The following INPP4B variants were observed in gnomAD, a reference collection of about 807,000 sequenced individuals.
INPP4B encodes the protein inositol polyphosphate 4-phosphatase type II.
Under a neutral mutation model 122.5 loss-of-function variants are expected in INPP4B, and 55 were observed. The observed-to-expected ratio is 0.45, with a 90% CI of 0.36 to 0.56. The LOEUF (loss-of-function observed/expected upper bound fraction) is 0.56. Among genes scored for constraint, INPP4B ranks in the 20% least tolerant of loss-of-function variants. The probability of loss-of-function intolerance (pLI) is 0.00; values close to 1 mark genes in which losing one functional copy is unlikely to be tolerated. For missense variants in INPP4B, 1,000 were observed against 1,097.7 expected (o/e 0.91, Z 1.26); for synonymous variants, 403 against 388.7 (o/e 1.04, Z -0.43).
In INPP4B at chr4:142,287,967, C is replaced by T. The variant is rs571982458; in HGVS notation, c.504-17193G>A. ...GCCAGTGGCTGCCTTCTAGCTGTGG[C>T]CTCACATGGGAGGGAGAGAGTAAGC... On this transcript the variant is annotated intron_variant, in intron 9 of 25. Coordinates refer to ENST00000262992, the MANE Select transcript of INPP4B (RefSeq NM_001101669.3). Among the ~76,000 whole-genome samples, 3 of 152,266 alleles carry T rather than the reference C, an allele frequency of 2.0e-5. No homozygotes were observed. In the South Asian group the frequency reaches 6.2e-4, roughly 32 times the overall value.
At chr4:142,668,796 C>T (rs933483917) in intron 2 of INPP4B, among the ~76,000 whole-genome samples, 4 of 152,030 alleles carry the variant, frequency 2.6e-5, no homozygotes, top group African/African-American at 9.7e-5. Context: ...TGCCTGTAAT[C>T]CCAGCACTTT....
chr4:142,411,500 T>G (rs1421690882), intron 5 of INPP4B, among the ~76,000 whole-genome samples: 2 of 152,174 alleles, frequency 1.3e-5, no homozygotes, highest in African/African-American at 2.4e-5. Context: ...CTACAGACAC[T>G]GCATAGGAGA....
intron 25 of INPP4B, among the ~76,000 whole-genome samples, chr4:142,034,219 A>G (rs1742337214): frequency 6.6e-6 from 1 of 152,144 alleles, no homozygotes; most frequent in Admixed American, 6.5e-5. Flanking sequence ...TTTACAACCA[A>G]GTGATGTTAC....
chr4:142,761,510 TGA>T (rs1429858111), intron 1 of INPP4B, among the ~76,000 whole-genome samples: 2 of 152,180 alleles, frequency 1.3e-5, no homozygotes, highest in African/African-American at 4.8e-5. Flanking sequence ...GCCAAATAAC[TGA>T]GTCATATTTT....
At chr4:142,549,446 C>T (rs1242875528) in intron 2 of INPP4B, among the ~76,000 whole-genome samples, 1 of 152,040 alleles carries the variant, frequency 6.6e-6, no homozygotes, top group Non-Finnish European at 1.5e-5. Context: ...AGGAGTCTAA[C>T]CAAATGCTGG....
At position 142,188,518 on chromosome 4, in the gene INPP4B, A is replaced by AAAAAAT. The variant is rs1834267141; in HGVS notation, c.1181+4568_1181+4569insATTTTT. ...AAAAAAAAAAAAAAAAAAGAAAAAA[A>AAAAAAT]ATATATATAGCTTGACTTATGAGTT... is the stretch of plus-strand genomic sequence containing the variant. On this transcript the variant is annotated intron_variant, in intron 15 of 25. Coordinates refer to ENST00000262992, the MANE Select transcript of INPP4B (RefSeq NM_001101669.3). 1.1e-3 allele frequency among the ~76,000 whole-genome samples: 115 copies of AAAAAAT among 105,126 alleles called. 24 individuals carry two copies. Among genetic ancestry groups the AAAAAAT allele is most frequent in the East Asian group, 1.8e-3 (6 of 3,380 alleles). 69.0% of individuals were successfully genotyped at this position (105,126 alleles called of 152,430 possible).
At chr4:142,551,457 T>A (rs1251924310) in intron 2 of INPP4B, among the ~76,000 whole-genome samples, 2 of 152,162 alleles carry the variant, frequency 1.3e-5, no homozygotes, top group Non-Finnish European at 2.9e-5. Flanking sequence ...GGAACCTGGG[T>A]CTCAAGGTGT....
At chr4:142,205,607 A>G (rs954406575) in intron 14 of INPP4B, among the ~76,000 whole-genome samples, 3 of 152,224 alleles carry the variant, frequency 2.0e-5, no homozygotes, top group African/African-American at 7.2e-5. Flanking sequence ...TTATCATTCT[A>G]TGTGTTTTAC....
chr4:142,469,357 A>G (rs1295584436), intron 2 of INPP4B, among the ~76,000 whole-genome samples: 3 of 152,110 alleles, frequency 2.0e-5, no homozygotes, highest in African/African-American at 4.8e-5. Flanking sequence ...AAATTATAAG[A>G]AGCTATAAAG....
At chr4:142,721,439 A>G (rs1162454468) in intron 2 of INPP4B, among the ~76,000 whole-genome samples, 1 of 152,194 alleles carries the variant, frequency 6.6e-6, no homozygotes, top group South Asian at 2.1e-4. Flanking sequence ...AAGTGATAAA[A>G]TTAAGCTGTC....
At chr4:142,461,071 T>C (rs1254894606) in intron 3 of INPP4B, among the ~76,000 whole-genome samples, 1 of 151,736 alleles carries the variant, frequency 6.6e-6, no homozygotes, top group African/African-American at 2.4e-5. Context: ...CTGAGAGAGG[T>C]TGAGGTGGGA....
intron 16 of INPP4B, among the ~76,000 whole-genome samples, chr4:142,167,704 C>T (rs182314312): frequency 1.1e-4 from 17 of 151,710 alleles, no homozygotes; most frequent in East Asian, 5.8e-4. Context: ...TTACAAAGGA[C>T]GTAATACATT....
At chr4:142,187,599 AT>A (rs969832007) in intron 15 of INPP4B, among the ~76,000 whole-genome samples, 22 of 148,746 alleles carry the variant, frequency 1.5e-4, no homozygotes, top group South Asian at 2.1e-4. Flanking sequence ...ACAGACACAC[AT>A]TTTTTTTTTG....
At chr4:142,775,682 T>C (rs56332157) in intron 1 of INPP4B, among the ~76,000 whole-genome samples, 35,347 of 151,972 alleles carry the variant, frequency 0.23, 4,378 homozygotes, top group South Asian at 0.35. Flanking sequence ...ATATTTTCTT[T>C]AGTGAGTGAA....
At chr4:142,224,933 C>T (rs1408107569) in intron 12 of INPP4B, among the ~76,000 whole-genome samples, 2 of 152,078 alleles carry the variant, frequency 1.3e-5, no homozygotes, top group African/African-American at 4.8e-5. Context: ...CCAAACTCGA[C>T]TGTGTTTTTT....
At chr4:142,254,536 C>G (rs1734551078) in intron 11 of INPP4B, among the ~76,000 whole-genome samples, 1 of 152,118 alleles carries the variant, frequency 6.6e-6, no homozygotes, top group Non-Finnish European at 1.5e-5. Flanking sequence ...AAAGCCAAGG[C>G]TCGAGAACTC....
At chr4:142,416,245 T>C (rs1497387) in intron 5 of INPP4B, among the ~76,000 whole-genome samples, 149,148 of 152,184 alleles carry the variant, frequency 0.98, 73,170 homozygotes, top group Middle Eastern at 1. Flanking sequence ...TTGACAGTCT[T>C]CTGAGGGAAT....
At chr4:142,040,738 A>C (rs2152327203) in intron 25 of INPP4B, among the ~76,000 whole-genome samples, 1 of 152,320 alleles carries the variant, frequency 6.6e-6, no homozygotes, top group Non-Finnish European at 1.5e-5. Context: ...TAATTGCTTG[A>C]AAATAACAGT....
At chr4:142,580,343 T>C (rs1041543274) in intron 2 of INPP4B, among the ~76,000 whole-genome samples, 4 of 152,004 alleles carry the variant, frequency 2.6e-5, no homozygotes, top group Non-Finnish European at 2.9e-5. Flanking sequence ...ATCTGTCACA[T>C]TGTGCTCAGC....
Sources: gnomAD v4.1 joint callset for allele counts (sites outside exome capture counted in the v4.1 genomes callset) on GRCh38, gnomAD v4.1.1 for gene constraint, MANE v1.5 for transcripts, NCBI Gene and HGNC (gene_info 2026-07-23, HGNC 2026-07-21) for gene names.